Variants in ADGRF5 observed in about 807,000 individuals in gnomAD.
The protein encoded by ADGRF5 is G-protein coupled receptor 116.
ADGRF5 carries 75 observed loss-of-function variants against 132.3 expected under a neutral mutation model. The ratio of observed to expected loss-of-function variants is 0.57; its 90% confidence interval spans 0.47 to 0.69. The LOEUF (loss-of-function observed/expected upper bound fraction) is 0.69. Among genes scored for constraint, ADGRF5 ranks in the 30% least tolerant of loss-of-function variants. The probability of loss-of-function intolerance (pLI) is 0.00; values close to 1 mark genes in which losing one functional copy is unlikely to be tolerated. For missense variants in ADGRF5, 1,516 were observed against 1,630.6 expected (o/e 0.93, Z 1.21); for synonymous variants, 629 against 597.6 (o/e 1.05, Z -0.77).
chr6:46,854,431 T>C (rs1048140977), intron 20 of ADGRF5, among the ~76,000 whole-genome samples: 2 of 151,974 alleles, frequency 1.3e-5, no homozygotes, highest in African/African-American at 4.8e-5. Flanking sequence ...TGGGTTGTGG[T>C]GACTTGGGGA....
Position 46,939,043 on chromosome 6 carries a change from G to A in ADGRF5, c.-25+15691C>T, listed in dbSNP as rs375771932. 8.4e-4 allele frequency among the ~76,000 whole-genome samples: 127 copies of A among 152,066 alleles called. 4 individuals carry two copies. The South Asian group carries it at 0.025, about 30-fold the overall frequency. On this transcript the variant is annotated intron_variant, in intron 1 of 20. Transcript: ENST00000265417. The stretch of plus-strand genomic sequence containing the variant: ...GTGCCACCACACTCAGCTAATTTTT[G>A]TATTTTTAGTAGAGATGGGGTTTCA...
intron 15 of ADGRF5, among the ~76,000 whole-genome samples, chr6:46,861,536 CGTAA>C (rs1769748112): frequency 6.6e-6 from 1 of 152,146 alleles, no homozygotes; most frequent in Non-Finnish European, 1.5e-5. Context: ...CCTCTGAATG[CGTAA>C]GTATTGGTTT....
chr6:46,939,931 C>T (rs568313155), intron 1 of ADGRF5, among the ~76,000 whole-genome samples: 96 of 152,154 alleles, frequency 6.3e-4, no homozygotes, highest in African/African-American at 2.2e-3. Context: ...CTCACAGGAA[C>T]TTATTTCCTT....
chr6:46,904,609 T>A (rs1239382674), intron 2 of ADGRF5, among the ~76,000 whole-genome samples: 2 of 152,044 alleles, frequency 1.3e-5, no homozygotes, highest in Non-Finnish European at 2.9e-5. Flanking sequence ...AATGAAAAAA[T>A]TATGAAAATT....
At chr6:46,865,239 T>A (rs1170993272) in intron 13 of ADGRF5, 42 bp from the exon 14 acceptor site, 5 of 1,388,996 alleles carry the variant, frequency 3.6e-6, no homozygotes, top group Non-Finnish European at 5.1e-6. Flanking sequence ...ACAACATGAG[T>A]CTCTAATGCA....
chr6:46,854,454 G>T (rs1342585776), intron 20 of ADGRF5, among the ~76,000 whole-genome samples: 1 of 152,086 alleles, frequency 6.6e-6, no homozygotes, highest in East Asian at 1.9e-4. Flanking sequence ...CTCTTGGGAG[G>T]CACCTAGAGG....
At chr6:46,857,513 C>A (rs1211070395) in intron 17 of ADGRF5, among the ~76,000 whole-genome samples, 1 of 152,200 alleles carries the variant, frequency 6.6e-6, no homozygotes, top group African/African-American at 2.4e-5. Flanking sequence ...GGCTTGCTAT[C>A]TATACCTCTG....
chr6:46,929,883 C>T lies in ADGRF5; in HGVS notation c.-24-23097G>A, dbSNP rs538718809. 4.6e-5 allele frequency among the ~76,000 whole-genome samples: 7 copies of T among 152,158 alleles called. No individual in the cohort carries two copies. In the East Asian group the frequency reaches 5.8e-4, roughly 13 times the overall value. On this transcript the variant is annotated intron_variant, in intron 1 of 20. Transcript: ENST00000265417. ...GTTGCCCAGGCTGGACACAGCAGCACGATCTTGGGTCAGTGCAACCTCCAC... is the reference window on the plus strand; with the variant it reads ...GTTGCCCAGGCTGGACACAGCAGCATGATCTTGGGTCAGTGCAACCTCCAC...
At position 46,853,792 on chromosome 6, in the gene ADGRF5, G is replaced by C. The variant is rs934623698; in HGVS notation, c.*200C>G. On this transcript the variant is annotated 3_prime_UTR_variant, in exon 21 of 21. Transcript: ENST00000283296. ...CATGTGGTATCACACAAGGGGGAGG[G>C]GGAGGGAACAAACAGAAACATAACA... The C allele has an allele frequency of 2.5e-5, 11 of 440,070 alleles. No individual in the cohort carries two copies. Among genetic ancestry groups the C allele is most frequent in the African/African-American group, 4.2e-5 (2 of 47,526 alleles). 27.3% of individuals were successfully genotyped at this position (440,070 alleles called of 1,614,324 possible). A position where few individuals can be genotyped will look rare whatever the true frequency, so the allele number is the denominator to read the frequency against.
chr6:46,937,221 A>AGTGTGTGT (rs10558166), intron 1 of ADGRF5, among the ~76,000 whole-genome samples: 2,339 of 146,774 alleles, frequency 0.016, 39 homozygotes, highest in South Asian at 0.053. Context: ...GGCAATAAGG[A>AGTGTGTGT]GTGTGTGTGT....
chr6:46,941,922 A>T (rs555196722), intron 1 of ADGRF5, among the ~76,000 whole-genome samples: 15 of 152,368 alleles, frequency 9.8e-5, no homozygotes, highest in Admixed American at 9.1e-4. Context: ...TACAACTGAC[A>T]AATAAAAAGT....
At position 46,888,388 on chromosome 6, in the gene ADGRF5, T is replaced by A; in HGVS notation, c.275A>T (p.His92Leu). Residue 92 changes from histidine to leucine, a missense_variant, in exon 4 of 21, where the codon CAT becomes CTT. Physicochemically the swap from His to Leu is moderately conservative, Grantham distance 99 (BLOSUM62 -3). Around this residue, in one of 2 missense-constraint regions of ADGRF5, gnomAD observed 945 missense variants for 929.4 expected, o/e 1.02. Transcript: ENST00000283296. ...GGTAATTTGGTCAGTGTTATTCCCA[T>A]GAATTGGAAAACTGAGGCTGTTCAA... is the stretch of plus-strand genomic sequence containing the variant. ...AYLNSLSFPI[H>L]GNNTDQITDI... is the part of the protein sequence containing the mutation. 2 of 1,612,400 alleles carry A rather than the reference T, an allele frequency of 1.2e-6. No individual in the cohort carries two copies. Among genetic ancestry groups the A allele is most frequent in the Non-Finnish European group, 1.7e-6 (2 of 1,178,442 alleles).
chr6:46,906,668 T>C lies in ADGRF5; in HGVS notation c.95A>G (p.His32Arg). Residue 32 changes from histidine to arginine, a missense_variant, in exon 2 of 21, where the codon CAT (histidine) becomes CGT (arginine). This residue lies in a region of ADGRF5 where 945 missense variants were observed against 929.4 expected (regional missense o/e 1.02). Transcript: ENST00000283296. ...ALNWNYESTI[H>R]PLSLHEHEPA... The stretch of plus-strand genomic sequence containing the variant: ...GATATGGATATAACTCACCAAAGGA[T>C]GAATAGTAGACTCGTAATTCCAGTT... 1 of 1,507,776 alleles carries C rather than the reference T, an allele frequency of 6.6e-7. No homozygotes were observed. Among genetic ancestry groups the C allele is most frequent in the Non-Finnish European group, 9.2e-7 (1 of 1,083,586 alleles). 93.4% of individuals were successfully genotyped at this position (1,507,776 alleles called of 1,614,324 possible). A position where few individuals can be genotyped will look rare whatever the true frequency, so the allele number is the denominator to read the frequency against.
rs142149998 is a variant in ADGRF5, at chr6:46,887,587, T to A, written c.328+748A>T. Among the ~76,000 whole-genome samples, 784 of 152,344 alleles carry A rather than the reference T, an allele frequency of 5.1e-3. 7 individuals carry two copies. Among genetic ancestry groups the A allele is most frequent in the South Asian group, 0.031 (149 of 4,808 alleles). On this transcript the variant is annotated intron_variant, in intron 4 of 20. Transcript: ENST00000283296. ...TAAAATGCATGTACCGACATTGGGA[T>A]GGACTATTTGAAATATGCGAATTCA...
At chr6:46,952,412 G>T (rs1244195441) in intron 1 of ADGRF5, among the ~76,000 whole-genome samples, 4 of 152,188 alleles carry the variant, frequency 2.6e-5, no homozygotes, top group Non-Finnish European at 5.9e-5. Context: ...TGCCTGCCCT[G>T]TGAAAGGGAC....
At chr6:46,901,918 C>A in intron 2 of ADGRF5, among the ~76,000 whole-genome samples, 1 of 152,142 alleles carries the variant, frequency 6.6e-6, no homozygotes, top group Non-Finnish European at 1.5e-5. Flanking sequence ...GTAAGGTTTA[C>A]CTGTTCCCCT....
intron 6 of ADGRF5, among the ~76,000 whole-genome samples, chr6:46,882,308 A>G (rs764174634): frequency 6.6e-6 from 1 of 152,182 alleles, no homozygotes; most frequent in African/African-American, 2.4e-5. Context: ...GAAGTAGACT[A>G]GATGAAATGT....
At chr6:46,879,758 T>G in intron 9 of ADGRF5, 60 bp downstream of exon 9, 2 of 1,123,784 alleles carry the variant, frequency 1.8e-6, no homozygotes, top group Non-Finnish European at 1.4e-6. Context: ...CTATTACATA[T>G]TTGCTTCTTT....
At chr6:46,923,430 C>A (rs75759953), upstream of ADGRF5, among the ~76,000 whole-genome samples, 220 of 152,284 alleles carry the variant, frequency 1.4e-3, 1 homozygote, top group African/African-American at 5.1e-3. Flanking sequence ...TCAGCAACCA[C>A]CAGCAGGACT....
Sources: allele counts gnomAD v4.1 joint callset (sites outside exome capture counted in the v4.1 genomes callset), GRCh38; gene constraint gnomAD v4.1.1; regional missense constraint gnomAD v4.1.1; transcripts MANE v1.5; gene names NCBI Gene and HGNC (gene_info 2026-07-23, HGNC 2026-07-21).